PIAS2: variants seen among roughly 807,000 people sequenced by gnomAD.
PIAS2 encodes protein inhibitor of activated STAT 2.
PIAS2 carries 19 observed loss-of-function variants against 69.7 expected under a neutral mutation model. The observed-to-expected ratio is 0.27, with a 90% CI of 0.19 to 0.40. The LOEUF (loss-of-function observed/expected upper bound fraction) is 0.40, where lower values mean the gene tolerates loss of function less well. PIAS2 is among the 10% of genes least tolerant of loss of function. The pLI is 1.00. For synonymous variants in PIAS2, 261 were observed against 263.2 expected (o/e 0.99, Z 0.08); for missense variants, 624 against 757.0 (o/e 0.82, Z 2.06).
chr18:46,882,260 A>G (rs1406959117), intron 2 of PIAS2, among the ~76,000 whole-genome samples: 1 of 152,150 alleles, frequency 6.6e-6, no homozygotes, highest in Admixed American at 6.5e-5. Flanking sequence ...AATCATATCC[A>G]AAAGCTTAAT....
chr18:46,831,430 T>A (rs756956043), intron 9 of PIAS2, among the ~76,000 whole-genome samples: 10 of 152,204 alleles, frequency 6.6e-5, no homozygotes, highest in Non-Finnish European at 2.9e-5. Context: ...ACCACAGACT[T>A]ATCTACAGAG....
chr18:46,840,071 G>A (rs2045126407), intron 8 of PIAS2, among the ~76,000 whole-genome samples: 1 of 152,030 alleles, frequency 6.6e-6, no homozygotes, highest in Non-Finnish European at 1.5e-5. Flanking sequence ...TGAGGCAGGA[G>A]AATTGCTTAA....
intron 3 of PIAS2, among the ~76,000 whole-genome samples, chr18:46,856,132 A>C (rs2047775290): frequency 6.7e-6 from 1 of 148,188 alleles, no homozygotes; most frequent in African/African-American, 2.5e-5. Flanking sequence ...CAGCCTCCCG[A>C]GTAGCTGGGA....
At chr18:46,909,584 A>T (rs79655167) in intron 1 of PIAS2, among the ~76,000 whole-genome samples, 1 of 152,242 alleles carries the variant, frequency 6.6e-6, no homozygotes, top group Admixed American at 6.5e-5. Flanking sequence ...AGTAGATGTT[A>T]GCAAGAAAGC....
At chr18:46,866,691 C>T (rs2049525539) in intron 2 of PIAS2, among the ~76,000 whole-genome samples, 1 of 152,150 alleles carries the variant, frequency 6.6e-6, no homozygotes, top group African/African-American at 2.4e-5. Context: ...ATTTCTAACA[C>T]AGGGAGGAAA....
At chr18:46,814,385 T>C (rs985293584) in intron 13 of PIAS2, among the ~76,000 whole-genome samples, 2 of 152,172 alleles carry the variant, frequency 1.3e-5, no homozygotes, top group East Asian at 1.9e-4. Flanking sequence ...TAAAAATTAG[T>C]AATCCTCACA....
intron 8 of PIAS2, 26 bp from the exon 9 acceptor site, chr18:46,836,543 A>G: frequency 2.5e-6 from 4 of 1,581,792 alleles, no homozygotes; most frequent in Non-Finnish European, 3.5e-6. Flanking sequence ...CACAAGGAAA[A>G]CTATTTCAGA....
chr18:46,903,670 T>C (rs1478864798), intron 1 of PIAS2: 1 of 152,202 alleles, frequency 6.6e-6, no homozygotes. Flanking sequence ...TTAAAAACTA[T>C]ACATACAATG....
chr18:46,815,333 G>C lies in PIAS2; in HGVS notation c.1665C>G (p.Ser555=). 1 of 1,611,766 alleles carries C rather than the reference G, an allele frequency of 6.2e-7. No homozygotes were observed. The highest frequency in any genetic ancestry group is 8.5e-7 in the Non-Finnish European group (1 of 1,178,470). The change falls in exon 13 of 14, where the codon TCC becomes TCG. Residue 555 remains serine (S), a synonymous_variant. Coordinates refer to ENST00000585916, the MANE Select transcript of PIAS2 (RefSeq NM_004671.5). ...ATACCTGGGGATCAACTGGAATAAG[G>C]GAAAGAAAATCCAAACCTAAAACAA... is the stretch of plus-strand genomic sequence containing the variant. The part of the protein sequence containing the change: ...SSDLPGLDFL[S]LIPVDPQYCP...
rs2053951705 is a variant in PIAS2 at position 46,890,741 on chromosome 18, G to A, written c.338C>T (p.Ser113Leu). 6.2e-7 allele frequency: 1 copy of A among 1,614,176 alleles called. No individual in the cohort carries two copies. The highest frequency in any genetic ancestry group is 8.5e-7 in the Non-Finnish European group (1 of 1,180,028). The stretch of plus-strand genomic sequence containing the variant: ...CACAGAACCAACAGGAGAGGATGGT[G>A]AGTGAGGTGTAACTGAAGTGGAAGG... ...SLPSTSVTPHSPSSPVGSVLL... is the reference protein window; with the variant it reads ...SLPSTSVTPHLPSSPVGSVLL... Residue 113 changes from serine to leucine, a missense_variant, in exon 2 of 14, where the codon TCA (serine) becomes TTA (leucine). Coordinates refer to ENST00000585916, the MANE Select transcript of PIAS2 (RefSeq NM_004671.5).
At chr18:46,836,597 G>A (rs1433572853) in intron 8 of PIAS2, 80 bp from the exon 9 acceptor site, 30 of 945,240 alleles carry the variant, frequency 3.2e-5, no homozygotes, top group African/African-American at 1.3e-4. Context: ...TGTAAAAGTC[G>A]GAAGATGTCA....
chr18:46,858,402 A>C (rs894456211), intron 3 of PIAS2, among the ~76,000 whole-genome samples: 2 of 152,222 alleles, frequency 1.3e-5, no homozygotes, highest in Admixed American at 6.5e-5. Flanking sequence ...AGACCATTAC[A>C]ATTGAAGAGG....
In PIAS2 at chr18:46,897,615, G is replaced by A. The variant is rs557255192; in HGVS notation, c.25-6561C>T. 5.9e-5 allele frequency among the ~76,000 whole-genome samples: 9 copies of A among 152,238 alleles called. No homozygotes were observed. The South Asian group carries it at 1.9e-3, about 32-fold the overall frequency. On this transcript the variant is annotated intron_variant, in intron 1 of 13. Coordinates refer to ENST00000585916, the MANE Select transcript of PIAS2 (RefSeq NM_004671.5). ...AAATGCAAACAGATTTTTGGTTTGA[G>A]TAGAAAAGCCATATGATTAATGGCT...
At position 46,890,587 on chromosome 18, in the gene PIAS2, C is replaced by G. The variant is rs765793801; in HGVS notation, c.492G>C (p.Thr164=). ...GAATTCTCAAACACTTACCTAAACT[C>G]GTGGGCTTGATGAGAACATCAAGGA... ...YDVLDVLIKP[T]SLVQSSIQRF... Residue 164 remains threonine (T), a synonymous_variant, in exon 2 of 14, where the codon ACG becomes ACC. Transcript: ENST00000585916. 1 of 1,601,988 alleles carries G rather than the reference C, an allele frequency of 6.2e-7. No individual in the cohort carries two copies. Among genetic ancestry groups the G allele is most frequent in the Admixed American group, 1.7e-5 (1 of 59,672 alleles).
intron 2 of PIAS2, among the ~76,000 whole-genome samples, chr18:46,866,194 G>C (rs1232237140): frequency 1.3e-5 from 2 of 152,116 alleles, no homozygotes; most frequent in African/African-American, 4.8e-5. Flanking sequence ...ACCTTTGATG[G>C]AGGGGAAAAA....
intron 2 of PIAS2, among the ~76,000 whole-genome samples, chr18:46,867,843 T>A (rs2049731364): frequency 6.6e-6 from 1 of 152,190 alleles, no homozygotes; most frequent in Non-Finnish European, 1.5e-5. Flanking sequence ...ACAGTTTAAG[T>A]GATGCTATAC....
intron 6 of PIAS2, among the ~76,000 whole-genome samples, chr18:46,845,268 A>C (rs2046000255): frequency 1.3e-5 from 2 of 152,206 alleles, no homozygotes; most frequent in South Asian, 4.1e-4. Flanking sequence ...TCCACTGCAG[A>C]AACAAATTCC....
intron 8 of PIAS2, among the ~76,000 whole-genome samples, chr18:46,838,296 A>T (rs1480488848): frequency 1.3e-5 from 2 of 152,238 alleles, no homozygotes; most frequent in East Asian, 3.8e-4. Flanking sequence ...TCACAATTAC[A>T]TAACAATTAT....
At chr18:46,844,860 C>A in intron 6 of PIAS2, 21 bp from the exon 7 acceptor site, 1 of 1,023,118 alleles carries the variant, frequency 9.8e-7, no homozygotes, top group Non-Finnish European at 1.4e-6. Context: ...ACAAAAAAAA[C>A]CTGCATTAAA....
Sources: gnomAD v4.1 joint callset for allele counts (sites outside exome capture counted in the v4.1 genomes callset) on GRCh38, gnomAD v4.1.1 for gene constraint, MANE v1.5 for transcripts, NCBI Gene and HGNC (gene_info 2026-07-23, HGNC 2026-07-21) for gene names.